Variants in CALN1 observed in about 807,000 individuals in gnomAD.
The protein encoded by CALN1 is calcium-binding protein 8.
Under a neutral mutation model 30.6 loss-of-function variants are expected in CALN1, and 17 were observed. The observed-to-expected ratio is 0.56, with a 90% CI of 0.38 to 0.83. The LOEUF is 0.83. Among genes scored for constraint, CALN1 ranks in the 40% least tolerant of loss-of-function variants. CALN1 has a pLI of 0.00. For synonymous variants in CALN1, 156 were observed against 131.4 expected (o/e 1.19, Z -1.28); for missense variants, 291 against 354.9 (o/e 0.82, Z 1.45).
chr7:72,078,696 G>A (rs1804914986), intron 4 of CALN1, among the ~76,000 whole-genome samples: 1 of 152,098 alleles, frequency 6.6e-6, no homozygotes, highest in Non-Finnish European at 1.5e-5. Context: ...ACTTTGGGAG[G>A]TCACCAAGGC....
At chr7:72,240,617 A>G (rs899092588) in intron 3 of CALN1, among the ~76,000 whole-genome samples, 5 of 152,206 alleles carry the variant, frequency 3.3e-5, no homozygotes, top group African/African-American at 1.2e-4. Context: ...TTTGACTCTA[A>G]ACTGCCATTC....
chr7:71,892,176 T>G (rs1320293119), intron 5 of CALN1, among the ~76,000 whole-genome samples: 1 of 152,230 alleles, frequency 6.6e-6, no homozygotes, highest in African/African-American at 2.4e-5. Context: ...TTTGCTGATT[T>G]GATAGTCTGA....
intron 1 of CALN1, among the ~76,000 whole-genome samples, chr7:72,437,722 T>C (rs1808211703): frequency 7.2e-6 from 1 of 139,284 alleles, no homozygotes; most frequent in African/African-American, 2.7e-5. Context: ...TCCTTCCTTC[T>C]TTCCTTCCCC....
At chr7:72,098,131 A>T (rs1485230969) in intron 4 of CALN1, among the ~76,000 whole-genome samples, 1 of 152,182 alleles carries the variant, frequency 6.6e-6, no homozygotes, top group Admixed American at 6.5e-5. Flanking sequence ...TAAAGGTCTC[A>T]AGGAGCCTGG....
chr7:71,922,841 A>G (rs1200121552), intron 5 of CALN1, among the ~76,000 whole-genome samples: 1 of 136,296 alleles, frequency 7.3e-6, no homozygotes, highest in East Asian at 2.0e-4. Flanking sequence ...ATATAAATAT[A>G]TAATATATAA....
intron 2 of CALN1, among the ~76,000 whole-genome samples, chr7:72,394,816 T>C (rs955398481): frequency 2.0e-5 from 3 of 151,886 alleles, no homozygotes; most frequent in Non-Finnish European, 4.4e-5. Flanking sequence ...GGTACCAACA[T>C]GCCCGTTTTA....
At chr7:71,928,368 C>A (rs1231625489) in intron 5 of CALN1, among the ~76,000 whole-genome samples, 1 of 151,684 alleles carries the variant, frequency 6.6e-6, no homozygotes, top group Admixed American at 6.6e-5. Context: ...CTTGGGAATG[C>A]CTATCTTTCC....
chr7:72,150,809 A>G (rs1231492500), intron 3 of CALN1, among the ~76,000 whole-genome samples: 3 of 152,198 alleles, frequency 2.0e-5, no homozygotes. Context: ...TCAGTAATGT[A>G]AAACATGCAA....
rs74998827 is a variant in CALN1, at chr7:71,956,524, G to A, written c.501+67133C>T. ...TTTTTTTAAACAGAGGGAGGGTGTC[G>A]TTATGTTGCCCAGGCTGATCTCAAA... On this transcript the variant is annotated intron_variant, in intron 5 of 6. Coordinates refer to ENST00000395275, the MANE Select transcript of CALN1 (RefSeq NM_031468.4). 6.1e-3 allele frequency among the ~76,000 whole-genome samples: 826 copies of A among 136,404 alleles called. 7 individuals carry two copies. The highest frequency in any genetic ancestry group is 0.022 in the African/African-American group (793 of 36,070). The allele number at this position is 136,404 out of a possible 152,430, so 89.5% of individuals were successfully genotyped here. A position where few individuals can be genotyped will look rare whatever the true frequency, so the allele number is the denominator to read the frequency against.
intron 2 of CALN1, among the ~76,000 whole-genome samples, chr7:72,377,999 T>A (rs1239835760): frequency 6.6e-6 from 1 of 151,974 alleles, no homozygotes; most frequent in Non-Finnish European, 1.5e-5. Flanking sequence ...AAGCATTTTA[T>A]TTCCCAGCCA....
At chr7:72,249,431 AT>A (rs1795400555) in intron 3 of CALN1, among the ~76,000 whole-genome samples, 1 of 152,184 alleles carries the variant, frequency 6.6e-6, no homozygotes. Flanking sequence ...CACATGTTTA[AT>A]GGCTGGTGGA....
intron 5 of CALN1, among the ~76,000 whole-genome samples, chr7:71,930,530 C>A (rs1362501671): frequency 6.6e-6 from 1 of 152,118 alleles, no homozygotes; most frequent in Non-Finnish European, 1.5e-5. Flanking sequence ...TTTTTAGCTT[C>A]TTGATAGTGT....
chr7:72,446,258 T>C (rs1347489277), intron 1 of CALN1, among the ~76,000 whole-genome samples: 2 of 152,174 alleles, frequency 1.3e-5, no homozygotes, highest in African/African-American at 4.8e-5. Flanking sequence ...AATGAAGGAT[T>C]TGCAGATAGA....
At chr7:72,181,000 G>A (rs1197077429) in intron 3 of CALN1, among the ~76,000 whole-genome samples, 1 of 150,902 alleles carries the variant, frequency 6.6e-6, no homozygotes, top group Admixed American at 6.6e-5. Flanking sequence ...TGGGAGGCTG[G>A]GGCAGGAGAA....
the CALN1 span, among the ~76,000 whole-genome samples, chr7:72,486,988 C>T: frequency 6.6e-6 from 1 of 152,142 alleles, no homozygotes; most frequent in Non-Finnish European, 1.5e-5. Context: ...CGGGAGTATT[C>T]TTATTATGTA....
chr7:71,819,107 A>G (rs1788441385), intron 5 of CALN1, among the ~76,000 whole-genome samples: 1 of 152,108 alleles, frequency 6.6e-6, no homozygotes, highest in African/African-American at 2.4e-5. Flanking sequence ...CTACCACTTC[A>G]GCCTCCTGAG....
rs1554337106 is a variant in CALN1, at chr7:71,790,368, A to AAAAAG, written c.659-2467_659-2466insCTTTT. Among the ~76,000 whole-genome samples the AAAAAG allele has an allele frequency of 2.7e-4, 34 of 123,796 alleles. 2 individuals are homozygous for AAAAAG. In the East Asian group the frequency reaches 5.8e-3, roughly 21 times the overall value. 81.2% of individuals were successfully genotyped at this position (123,796 alleles called of 152,430 possible). A position where few individuals can be genotyped will look rare whatever the true frequency, so the allele number is the denominator to read the frequency against. On this transcript the variant is annotated intron_variant, in intron 6 of 6. Transcript: ENST00000395275. ...AAAGAAAAGAAAGAAAGAAAGAAAG[A>AAAAAG]AAAGAAAGAAAGAAAGAAAGAAAGA... is the stretch of plus-strand genomic sequence containing the variant.
intron 6 of CALN1, among the ~76,000 whole-genome samples, chr7:71,803,477 C>T (rs1787422574): frequency 6.6e-6 from 1 of 151,894 alleles, no homozygotes; most frequent in South Asian, 2.1e-4. Flanking sequence ...GAAGACTTGC[C>T]TTCTTTTTTC....
chr7:72,271,918 C>T (rs1037639261), intron 3 of CALN1, among the ~76,000 whole-genome samples: 14 of 151,542 alleles, frequency 9.2e-5, no homozygotes, highest in Non-Finnish European at 1.8e-4. Context: ...AAAATGTAGG[C>T]GGGCGTGATG....
Sources: gnomAD v4.1 joint callset for allele counts (sites outside exome capture counted in the v4.1 genomes callset) on GRCh38, gnomAD v4.1.1 for gene constraint, MANE v1.5 for transcripts, NCBI Gene and HGNC (gene_info 2026-07-23, HGNC 2026-07-21) for gene names.